The following NTM variants were observed in gnomAD, a reference collection of about 807,000 sequenced individuals.
The protein encoded by NTM is neurotrimin, also known as IgLON family member 2.
Under a neutral mutation model 42.1 loss-of-function variants are expected in NTM, and 13 were observed. The ratio of observed to expected loss-of-function variants is 0.31; its 90% confidence interval spans 0.20 to 0.49. The LOEUF (loss-of-function observed/expected upper bound fraction) is 0.49, where lower values mean the gene tolerates loss of function less well. Among genes scored for constraint, NTM ranks in the 20% least tolerant of loss-of-function variants. NTM has a pLI of 0.99. For missense variants in NTM, 373 were observed against 452.8 expected, an observed-to-expected ratio of 0.82 and a Z score of 1.60; for synonymous variants, 187 against 179.2, an observed-to-expected ratio of 1.04 and a Z score of -0.35.
At chr11:131,811,415 C>T (rs1054466912) in intron 1 of NTM, among the ~76,000 whole-genome samples, 1 of 152,270 alleles carries the variant, frequency 6.6e-6, no homozygotes, top group African/African-American at 2.4e-5. Context: ...TCCCACTGAC[C>T]ACTACCTCCT....
At chr11:131,764,676 A>G (rs2084827012) in intron 1 of NTM, among the ~76,000 whole-genome samples, 4 of 152,222 alleles carry the variant, frequency 2.6e-5, no homozygotes, top group Non-Finnish European at 5.9e-5. Flanking sequence ...AATTAAATAC[A>G]ATCATGTGTG....
At chr11:132,184,493 A>G (rs1397307145) in intron 3 of NTM, among the ~76,000 whole-genome samples, 1 of 152,002 alleles carries the variant, frequency 6.6e-6, no homozygotes, top group African/African-American at 2.4e-5. Flanking sequence ...TAAGGTGGAG[A>G]GCTGCTTCTT....
chr11:132,294,128 G>A (rs532338283), intron 4 of NTM, among the ~76,000 whole-genome samples: 1 of 152,270 alleles, frequency 6.6e-6, no homozygotes, highest in East Asian at 1.9e-4. Context: ...CTATGACTTC[G>A]AGCTTTAATG....
chr11:132,140,231 C>T (rs979310911), intron 2 of NTM, among the ~76,000 whole-genome samples: 2 of 152,132 alleles, frequency 1.3e-5, no homozygotes, highest in Non-Finnish European at 2.9e-5. Context: ...TTTGCTCTCC[C>T]GGAGCCTCTC....
chr11:132,018,306 T>C (rs886967291), intron 2 of NTM, among the ~76,000 whole-genome samples: 1 of 151,970 alleles, frequency 6.6e-6, no homozygotes, highest in Non-Finnish European at 1.5e-5. Context: ...GCCTCTTTCT[T>C]GATCATGGGG....
At chr11:131,464,146 G>A (rs1393062416) in intron 1 of NTM, among the ~76,000 whole-genome samples, 1 of 152,092 alleles carries the variant, frequency 6.6e-6, no homozygotes, top group African/African-American at 2.4e-5. Flanking sequence ...GAAGAGCGGT[G>A]GACGTGGCTG....
chr11:131,632,856 G>A (rs2063800614), intron 1 of NTM, among the ~76,000 whole-genome samples: 2 of 149,282 alleles, frequency 1.3e-5, no homozygotes, highest in Admixed American at 1.3e-4. Flanking sequence ...TGTATTTTTA[G>A]TAGAGACGGG....
chr11:132,291,090 A>G (rs2094440274), intron 4 of NTM, among the ~76,000 whole-genome samples: 1 of 152,212 alleles, frequency 6.6e-6, no homozygotes, highest in African/African-American at 2.4e-5. Context: ...GTATGTGAGT[A>G]TGGATCAGAT....
chr11:132,056,877 C>T (rs1356879168), intron 2 of NTM, among the ~76,000 whole-genome samples: 1 of 152,190 alleles, frequency 6.6e-6, no homozygotes, highest in Non-Finnish European at 1.5e-5. Flanking sequence ...AAATGCCAAG[C>T]CTAGCCTTGT....
intron 1 of NTM, among the ~76,000 whole-genome samples, chr11:131,557,759 T>G (rs2055647661): frequency 6.9e-6 from 1 of 145,266 alleles, no homozygotes; most frequent in African/African-American, 2.6e-5. Flanking sequence ...GGTGTGGGGG[T>G]ATGGGGTGGG....
intron 1 of NTM, among the ~76,000 whole-genome samples, chr11:131,732,318 C>A (rs1453935756): frequency 1.3e-5 from 2 of 152,174 alleles, no homozygotes; most frequent in Non-Finnish European, 2.9e-5. Flanking sequence ...TCCCTATTTT[C>A]TGTTCATCTT....
chr11:132,138,199 A>C (rs967697361), intron 2 of NTM, among the ~76,000 whole-genome samples: 3 of 152,156 alleles, frequency 2.0e-5, no homozygotes, highest in South Asian at 4.1e-4. Flanking sequence ...AAAAAATTGT[A>C]TCTACTTCCT....
At chr11:131,476,843 C>A (rs1337791438) in intron 1 of NTM, among the ~76,000 whole-genome samples, 1 of 135,912 alleles carries the variant, frequency 7.4e-6, no homozygotes, top group Non-Finnish European at 1.5e-5. Context: ...ATACTATAAG[C>A]ATTTAAAGTT....
At chr11:131,540,222 T>A (rs2053023167) in intron 1 of NTM, among the ~76,000 whole-genome samples, 2 of 136,162 alleles carry the variant, frequency 1.5e-5, no homozygotes, top group South Asian at 2.6e-4. Context: ...AGGAGTGCAG[T>A]GGCATAATCT....
chr11:132,129,934 GC>G (rs2066525567), intron 2 of NTM, among the ~76,000 whole-genome samples: 2 of 152,246 alleles, frequency 1.3e-5, no homozygotes, highest in Admixed American at 1.3e-4. Context: ...TTTTGGTCAG[GC>G]TTTTTATTGA....
chr11:131,799,899 A>G (rs1455859621), intron 1 of NTM, among the ~76,000 whole-genome samples: 1 of 151,992 alleles, frequency 6.6e-6, no homozygotes, highest in Non-Finnish European at 1.5e-5. Flanking sequence ...ATCCTAGTCC[A>G]CCTCTCCCCA....
intron 2 of NTM, among the ~76,000 whole-genome samples, chr11:131,954,869 T>G (rs746845261): frequency 6.6e-6 from 1 of 152,224 alleles, no homozygotes; most frequent in Non-Finnish European, 1.5e-5. Flanking sequence ...ATACACATCT[T>G]TCTGTTTCAT....
chr11:131,545,377 C>T (rs923032343), intron 1 of NTM, among the ~76,000 whole-genome samples: 1 of 151,774 alleles, frequency 6.6e-6, no homozygotes, highest in Non-Finnish European at 1.5e-5. Flanking sequence ...CTTTTTTTCT[C>T]TCAGCTTTCT....
intron 1 of NTM, among the ~76,000 whole-genome samples, chr11:131,769,010 A>G (rs994814251): frequency 1.5e-4 from 23 of 152,168 alleles, no homozygotes; most frequent in African/African-American, 5.3e-4. Flanking sequence ...TTAATAGGGG[A>G]GGTATAGGGT....
Sources: gnomAD v4.1 joint callset for allele counts (sites outside exome capture counted in the v4.1 genomes callset) on GRCh38, gnomAD v4.1.1 for gene constraint, MANE v1.5 for transcripts, NCBI Gene and HGNC (gene_info 2026-07-23, HGNC 2026-07-21) for gene names.